ADGRV1: variants seen among roughly 807,000 people sequenced by gnomAD.
ADGRV1 encodes G-protein coupled receptor 98.
Under a neutral mutation model 596.2 loss-of-function variants are expected in ADGRV1, and 359 were observed. The ratio of observed to expected loss-of-function variants is 0.60; its 90% CI spans 0.55 to 0.66. The LOEUF (loss-of-function observed/expected upper bound fraction) is 0.66. ADGRV1 is among the 30% of genes least tolerant of loss of function. The pLI is 0.00. For synonymous variants in ADGRV1, 2,681 were observed against 2,679.2 expected (o/e 1.00, Z -0.02); for missense variants, 7,274 against 7,575.6 (o/e 0.96, Z 1.48).
intron 84 of ADGRV1, among the ~76,000 whole-genome samples, chr5:90,982,706 A>C (rs933416499): frequency 3.3e-5 from 5 of 151,344 alleles, no homozygotes; most frequent in Non-Finnish European, 7.4e-5. Flanking sequence ...TTAGACACTC[A>C]TGGAACATCA....
chr5:90,958,230 GC>G (rs2150936833), intron 83 of ADGRV1, among the ~76,000 whole-genome samples: 2 of 137,918 alleles, frequency 1.5e-5, no homozygotes, highest in East Asian at 4.2e-4. Context: ...GCTGCAATGA[GC>G]CAAAATTGTG....
intron 85 of ADGRV1, among the ~76,000 whole-genome samples, chr5:91,003,943 T>A (rs1007584176): frequency 1.3e-5 from 2 of 152,062 alleles, no homozygotes; most frequent in African/African-American, 4.8e-5. Flanking sequence ...TAAAATGAAG[T>A]GAGGCTTGCT....
In ADGRV1 at chr5:90,637,720, A is replaced by G. The variant is rs763411569; in HGVS notation, c.2017-5A>G. 12 of 1,565,752 alleles carry G rather than the reference A, an allele frequency of 7.7e-6. No homozygotes were observed. The highest frequency in any genetic ancestry group is 1.0e-5 in the Non-Finnish European group (12 of 1,156,502). ...GAAATTGTTCTGTTCTTTTCTTTTT[A>G]TAAGGTATACATTCCCTTACATCGG... On this transcript the variant is annotated splice_region_variant and splice_polypyrimidine_tract_variant and intron_variant, in intron 10 of 89. Transcript: ENST00000405460.
At chr5:90,988,631 A>G (rs974946045) in intron 85 of ADGRV1, among the ~76,000 whole-genome samples, 4 of 151,200 alleles carry the variant, frequency 2.6e-5, no homozygotes, top group Non-Finnish European at 5.9e-5. Context: ...CCAGAGTGAC[A>G]CACAGCTATT....
chr5:90,721,182 A>G (rs1750871879), intron 45 of ADGRV1, 123 bp downstream of exon 45: 3 of 837,306 alleles, frequency 3.6e-6, no homozygotes, highest in Admixed American at 5.5e-5. Flanking sequence ...CAGATAATCT[A>G]ATTCTTTTAT....
At position 90,863,757 on chromosome 5, in the gene ADGRV1, G is replaced by A; in HGVS notation, c.17756G>A (p.Gly5919Asp). ...TATGTGGACTTTTTTGTTCCTACAG[G>A]TCTTTGCTTGGCTGTTCTTTCCCAT... The part of the protein sequence containing the change: ...FFTSGFICIS[G>D]LCLAVLSHIF... Residue 5919 changes from glycine to aspartate, a missense_variant and splice_region_variant, in exon 83 of 90, where the codon GGT becomes GAT. Around this residue, in one of 5 missense-constraint regions of ADGRV1, gnomAD observed 1,874 missense variants for 1,970.2 expected, o/e 0.95. Coordinates refer to ENST00000405460, the MANE Select transcript of ADGRV1 (RefSeq NM_032119.4). 1 of 1,610,090 alleles carries A rather than the reference G, an allele frequency of 6.2e-7. No individual in the cohort carries two copies. The highest frequency in any genetic ancestry group is 1.1e-5 in the South Asian group (1 of 91,008).
At chr5:90,845,219 C>A (rs1765763544) in intron 78 of ADGRV1, among the ~76,000 whole-genome samples, 1 of 152,040 alleles carries the variant, frequency 6.6e-6, no homozygotes. Flanking sequence ...TGTGCGCAAA[C>A]AAAAAGAACA....
At position 90,685,922 on chromosome 5, in the gene ADGRV1, T is replaced by C. The variant is rs771497465; in HGVS notation, c.6417T>C (p.Asn2139=). ...AAAATCATGTTGGACCCATTATCAA[T>C]GTGACTAGAACAGGAGGAGCATTTG... The part of the protein sequence containing the change: ...VAENHVGPII[N]VTRTGGAFAD... The change falls in exon 29 of 90, where the codon AAT becomes AAC. Residue 2139 remains asparagine, a synonymous_variant. Transcript: ENST00000405460. 15 of 1,611,202 alleles carry C rather than the reference T, an allele frequency of 9.3e-6. 1 individual carries two copies. In the South Asian group the frequency reaches 1.5e-4, roughly 17 times the overall value.
At chr5:90,709,845 T>C (rs1314282474) in intron 39 of ADGRV1, among the ~76,000 whole-genome samples, 4 of 152,246 alleles carry the variant, frequency 2.6e-5, no homozygotes, top group Non-Finnish European at 5.9e-5. Flanking sequence ...TTCATCCTCT[T>C]ACTGAGATAA....
intron 21 of ADGRV1, among the ~76,000 whole-genome samples, chr5:90,668,513 C>A (rs1350151211): frequency 1.3e-5 from 2 of 152,182 alleles, no homozygotes; most frequent in African/African-American, 2.4e-5. Context: ...CACTGTCTGG[C>A]ACTCCCTAGT....
At chr5:91,094,201 T>C (rs1461560084) in intron 86 of ADGRV1, among the ~76,000 whole-genome samples, 3 of 152,034 alleles carry the variant, frequency 2.0e-5, no homozygotes, top group Non-Finnish European at 4.4e-5. Flanking sequence ...GGCTCACGCC[T>C]ATAAACCCAG....
At chr5:91,111,206 C>A (rs1464098759) in intron 87 of ADGRV1, among the ~76,000 whole-genome samples, 2 of 152,082 alleles carry the variant, frequency 1.3e-5, no homozygotes, top group Non-Finnish European at 2.9e-5. Context: ...TTTAAAATAA[C>A]AAACAGTTCT....
chr5:90,851,668 C>T (rs1646865047), intron 79 of ADGRV1, among the ~76,000 whole-genome samples: 1 of 152,104 alleles, frequency 6.6e-6, no homozygotes, highest in South Asian at 2.1e-4. Flanking sequence ...AGTTTTCCCC[C>T]TCATATCAAC....
At chr5:91,053,893 C>T (rs748046107) in intron 85 of ADGRV1, among the ~76,000 whole-genome samples, 2 of 152,150 alleles carry the variant, frequency 1.3e-5, no homozygotes, top group Non-Finnish European at 2.9e-5. Flanking sequence ...ATAGCATGCA[C>T]ATAGTTACTG....
intron 85 of ADGRV1, among the ~76,000 whole-genome samples, chr5:90,990,473 A>G (rs72784624): frequency 6.6e-6 from 1 of 152,170 alleles, no homozygotes; most frequent in Non-Finnish European, 1.5e-5. Flanking sequence ...GAAGGCCTTA[A>G]CAATGCACCG....
chr5:90,619,096 C>G lies in ADGRV1; in HGVS notation c.368C>G (p.Ala123Gly). 6.9e-7 allele frequency: 1 copy of G among 1,441,336 alleles called. No homozygotes were observed. The highest frequency in any genetic ancestry group is 9.3e-7 in the Non-Finnish European group (1 of 1,079,380). 89.3% of individuals were successfully genotyped at this position (1,441,336 alleles called of 1,614,324 possible). Residue 123 changes from alanine to glycine, a missense_variant, in exon 4 of 90, where the codon GCA (alanine) becomes GGA (glycine). By Grantham distance (60) the Ala-to-Gly change is moderately conservative. Transcript: ENST00000405460. ...GGGATTTTATTTTAGAAACCTTCAGCAAATGTGAAGCTTGGATGGCCAAGG... is the reference window on the plus strand; with the variant it reads ...GGGATTTTATTTTAGAAACCTTCAGGAAATGTGAAGCTTGGATGGCCAAGG... ...IFHLTLQKPS[A>G]NVKLGWPRTV... is the part of the protein sequence containing the mutation.
intron 1 of ADGRV1, among the ~76,000 whole-genome samples, chr5:90,584,687 G>C (rs1216377601): frequency 6.6e-6 from 1 of 152,210 alleles, no homozygotes; most frequent in Admixed American, 6.5e-5. Context: ...TCATGACTAG[G>C]TGTCCTGAGC....
At chr5:90,840,516 T>C in intron 77 of ADGRV1, 62 bp from the exon 78 acceptor site, 1 of 1,377,540 alleles carries the variant, frequency 7.3e-7, no homozygotes, top group East Asian at 2.3e-5. Context: ...GAAACAAGAA[T>C]TTGTTTAGGA....
At chr5:90,595,505 G>A (rs1405111089) in intron 1 of ADGRV1, among the ~76,000 whole-genome samples, 2 of 113,860 alleles carry the variant, frequency 1.8e-5, no homozygotes, top group Admixed American at 7.8e-5. Context: ...TTCCCAGTAG[G>A]GGCGGCCGGG....
Sources: allele counts gnomAD v4.1 joint callset (sites outside exome capture counted in the v4.1 genomes callset), GRCh38; gene constraint gnomAD v4.1.1; regional missense constraint gnomAD v4.1.1; transcripts MANE v1.5; gene names NCBI Gene and HGNC (gene_info 2026-07-23, HGNC 2026-07-21).